The following RSPH14 variants were observed in gnomAD, a reference collection of about 807,000 sequenced individuals.
RSPH14 encodes the protein rhabdoid tumor deletion region gene 1.
Under a neutral mutation model 26.7 loss-of-function variants are expected in RSPH14, and 20 were observed. The ratio of observed to expected loss-of-function variants is 0.75; its 90% CI spans 0.53 to 1.09. The LOEUF is 1.09. Ranked by LOEUF, RSPH14 falls within the 50% of genes least tolerant of loss-of-function variation. RSPH14 has a pLI of 0.00. For missense variants in RSPH14, 449 were observed against 457.2 expected, an observed-to-expected ratio of 0.98 and a Z score of 0.16; for synonymous variants, 177 against 189.3, an observed-to-expected ratio of 0.93 and a Z score of 0.53.
chr22:23,132,507 G>A (rs757745741), intron 4 of RSPH14, among the ~76,000 whole-genome samples: 1 of 152,082 alleles, frequency 6.6e-6, no homozygotes, highest in Admixed American at 6.5e-5. Flanking sequence ...TTAAATGTGT[G>A]CTATGGTATT....
chr22:23,134,563 AAAAAAAAAAGGAG>A (rs2070426982), intron 3 of RSPH14, among the ~76,000 whole-genome samples: 1 of 150,190 alleles, frequency 6.7e-6, no homozygotes, highest in Non-Finnish European at 1.5e-5. Context: ...AAAAAAAAAA[AAAAAAAAAAGGAG>A]ATGATTGGCT....
chr22:23,086,281 C>A (rs2068818264), intron 4 of RSPH14, among the ~76,000 whole-genome samples: 1 of 152,236 alleles, frequency 6.6e-6, no homozygotes, highest in Non-Finnish European at 1.5e-5. Context: ...CCTGCAGACT[C>A]CCAGCCAGGC....
chr22:23,162,659 C>T, the RSPH14 span: 3 of 456,206 alleles, frequency 6.6e-6, no homozygotes, highest in African/African-American at 6.0e-5. Flanking sequence ...TATGAACCAG[C>T]CCCACAGCCC....
At chr22:23,165,875 A>G in the RSPH14 span, among the ~76,000 whole-genome samples, 10 of 152,140 alleles carry the variant, frequency 6.6e-5, no homozygotes, top group Non-Finnish European at 1.2e-4. Context: ...GGCTGGGCAC[A>G]GTGGCTCATG....
At chr22:23,161,605 C>A in the RSPH14 span, 1 of 1,505,288 alleles carries the variant, frequency 6.6e-7, no homozygotes, top group Non-Finnish European at 9.1e-7. Flanking sequence ...TGCACACACA[C>A]GGACAGGAAT....
the RSPH14 span, chr22:23,159,068 GAGGCAGCACAGTGGGAAGC>G: frequency 1.9e-6 from 3 of 1,586,716 alleles, no homozygotes; most frequent in South Asian, 3.3e-5. Flanking sequence ...GGGAGGGAGG[GAGGCAGCACAGTGGGAAGC>G]AGGCAGCTGC....
At chr22:23,075,476 C>T (rs970162658) in intron 4 of RSPH14, among the ~76,000 whole-genome samples, 3 of 152,234 alleles carry the variant, frequency 2.0e-5, no homozygotes, top group African/African-American at 4.8e-5. Flanking sequence ...TACATGGCCA[C>T]AGCTTCACAC....
chr22:23,110,131 C>T (rs2069604751), intron 4 of RSPH14, among the ~76,000 whole-genome samples: 1 of 152,202 alleles, frequency 6.6e-6, no homozygotes, highest in South Asian at 2.1e-4. Context: ...GGAGGATGAC[C>T]AGGCCTGAGG....
Position 23,124,449 on chromosome 22 carries a change from G to A in RSPH14, c.421+9577C>T, listed in dbSNP as rs755421698. 3.6e-5 allele frequency: 17 copies of A among 467,870 alleles called. No individual in the cohort carries two copies. In the East Asian group the frequency reaches 4.2e-4, roughly 11 times the overall value. 29.0% of individuals were successfully genotyped at this position (467,870 alleles called of 1,614,324 possible). The stretch of plus-strand genomic sequence containing the variant: ...GTCCTGCGCCAGCCTCGCGGGACAC[G>A]TGTTGTACATAAGCCTCTGCAGTGT... On this transcript the variant is annotated intron_variant, in intron 4 of 6. Transcript: ENST00000216036.
At chr22:23,112,022 G>C (rs1270917911) in intron 4 of RSPH14, among the ~76,000 whole-genome samples, 3 of 152,194 alleles carry the variant, frequency 2.0e-5, no homozygotes, top group Admixed American at 6.5e-5. Context: ...CTCATCCACA[G>C]CAAGACTGGA....
At chr22:23,139,036 G>T in intron 2 of RSPH14, 94 bp from the exon 3 acceptor site, 1 of 913,844 alleles carries the variant, frequency 1.1e-6, no homozygotes, top group South Asian at 1.6e-5. Context: ...GGGCCAGTTG[G>T]GGCAGGAATG....
intron 4 of RSPH14, among the ~76,000 whole-genome samples, chr22:23,087,007 T>C (rs2068838813): frequency 6.6e-6 from 1 of 152,082 alleles, no homozygotes; most frequent in South Asian, 2.1e-4. Context: ...AAGTCGGGCG[T>C]AAAAGGGCAG....
At chr22:23,074,695 G>A (rs778824372) in intron 4 of RSPH14, among the ~76,000 whole-genome samples, 19 of 152,316 alleles carry the variant, frequency 1.2e-4, no homozygotes, top group Admixed American at 7.2e-4. Context: ...GAAGCATCGA[G>A]AAAGAGAGAT....
At chr22:23,077,736 C>G (rs547909900) in intron 4 of RSPH14, among the ~76,000 whole-genome samples, 54 of 152,310 alleles carry the variant, frequency 3.5e-4, no homozygotes, top group Non-Finnish European at 6.9e-4. Context: ...AGAGGCAAAG[C>G]TGGGAAAACC....
chr22:23,088,943 C>G (rs923972208), intron 4 of RSPH14, among the ~76,000 whole-genome samples: 1 of 152,250 alleles, frequency 6.6e-6, no homozygotes, highest in African/African-American at 2.4e-5. Flanking sequence ...GCCTCTCCCC[C>G]AGTCACAGTC....
chr22:23,088,681 T>C (rs62220910), intron 4 of RSPH14, among the ~76,000 whole-genome samples: 6,667 of 152,244 alleles, frequency 0.044, 521 homozygotes, highest in African/African-American at 0.15. Flanking sequence ...ATGACTCCTG[T>C]TGCCACCCCA....
At chr22:23,133,624 C>T (rs1263178227) in intron 4 of RSPH14, among the ~76,000 whole-genome samples, 1 of 152,128 alleles carries the variant, frequency 6.6e-6, no homozygotes, top group Non-Finnish European at 1.5e-5. Context: ...GAGTCTCGCA[C>T]TGTCGCCCGG....
Position 23,140,329 on chromosome 22 carries a change from A to C in RSPH14, c.92T>G (p.Leu31Arg), listed in dbSNP as rs1344928699. 6.2e-7 allele frequency: 1 copy of C among 1,614,140 alleles called. No homozygotes were observed. The highest frequency in any genetic ancestry group is 1.7e-5 in the Admixed American group (1 of 60,022). ...TAYGHRALPK[L>R]KEELQSEDLQ... The stretch of plus-strand genomic sequence containing the variant: ...GTCCTCTGACTGCAGCTCCTCCTTC[A>C]GCTTGGGCAGGGCCCGATGGCCATA... The change falls in exon 2 of 7, where the codon CTG (leucine) becomes CGG (arginine). Residue 31 changes from leucine to arginine, a missense_variant. Physicochemically the swap from Leu to Arg is moderately radical, Grantham distance 102. Transcript: ENST00000216036.
intron 4 of RSPH14, among the ~76,000 whole-genome samples, chr22:23,103,183 T>C (rs1474781479): frequency 2.0e-5 from 3 of 152,148 alleles, no homozygotes; most frequent in Non-Finnish European, 2.9e-5. Context: ...ATTTTCAGGA[T>C]GTTTGTGAGC....
Sources: gnomAD v4.1 joint callset for allele counts (sites outside exome capture counted in the v4.1 genomes callset) on GRCh38, gnomAD v4.1.1 for gene constraint, MANE v1.5 for transcripts, NCBI Gene and HGNC (gene_info 2026-07-23, HGNC 2026-07-21) for gene names.